PLEKHA7: variants seen among roughly 807,000 people sequenced by gnomAD.
The protein encoded by PLEKHA7 is pleckstrin homology domain containing A7, also known as pleckstrin homology domain-containing family A member 7.
Under a neutral mutation model 170.0 loss-of-function variants are expected in PLEKHA7, and 104 were observed. The observed-to-expected ratio is 0.61, with a 90% CI of 0.52 to 0.72. PLEKHA7 has a LOEUF of 0.72. Ranked by LOEUF, PLEKHA7 falls within the 30% of genes least tolerant of loss-of-function variation. PLEKHA7 has a pLI of 0.00. For synonymous variants in PLEKHA7, 648 were observed against 660.8 expected (o/e 0.98, Z 0.30); for missense variants, 1,615 against 1,671.7 (o/e 0.97, Z 0.59).
chr11:16,835,225 C>G (rs1160190375), intron 9 of PLEKHA7, among the ~76,000 whole-genome samples: 1 of 152,176 alleles, frequency 6.6e-6, no homozygotes, highest in Non-Finnish European at 1.5e-5. Context: ...GAGCCAAGAT[C>G]ATGCCACCGC....
intron 8 of PLEKHA7, among the ~76,000 whole-genome samples, chr11:16,847,100 T>C (rs542266904): frequency 7.2e-5 from 10 of 138,176 alleles, no homozygotes; most frequent in South Asian, 5.1e-4. Context: ...CTTTTTTTTT[T>C]TTTTTTTTTT....
At chr11:16,813,210 A>G (rs1298826749) in intron 12 of PLEKHA7, 44 bp from the exon 13 acceptor site, 10 of 1,538,370 alleles carry the variant, frequency 6.5e-6, no homozygotes, top group Non-Finnish European at 8.1e-6. Flanking sequence ...ATGAACACCA[A>G]GAGTTTCCAT....
Position 16,826,487 on chromosome 11 carries a change from G to A in PLEKHA7, c.976C>T (p.His326Tyr), listed in dbSNP as rs143551077. The A allele has an allele frequency of 3.7e-6, 6 of 1,614,100 alleles. No homozygotes were observed. The highest frequency in any genetic ancestry group is 5.1e-6 in the Non-Finnish European group (6 of 1,180,052). The change falls in exon 10 of 27, where the codon CAT (histidine) becomes TAT (tyrosine). Residue 326 changes from histidine to tyrosine, a missense_variant. Transcript: ENST00000531066. ...VGPGHTRDCP[H>Y]RGHDDIVNFE... is the part of the protein sequence containing the mutation. ...TTGACAATGTCATCATGGCCACGATGAGGACAATCTCTCGTATGTCCGGGT... is the reference window on the plus strand; with the variant it reads ...TTGACAATGTCATCATGGCCACGATAAGGACAATCTCTCGTATGTCCGGGT...
chr11:16,986,281 G>A (rs1358219256), intron 3 of PLEKHA7, among the ~76,000 whole-genome samples: 4 of 152,184 alleles, frequency 2.6e-5, no homozygotes, highest in East Asian at 1.9e-4. Flanking sequence ...CATCTGCACC[G>A]CTGCAGATAT....
intron 3 of PLEKHA7, among the ~76,000 whole-genome samples, chr11:16,988,723 G>T (rs1336445068): frequency 2.6e-5 from 4 of 152,172 alleles, no homozygotes; most frequent in Admixed American, 6.5e-5. Flanking sequence ...TGGGATTATG[G>T]GCATGAGCCA....
intron 3 of PLEKHA7, among the ~76,000 whole-genome samples, chr11:16,909,062 A>G (rs1051131598): frequency 2.0e-5 from 3 of 152,196 alleles, no homozygotes; most frequent in Non-Finnish European, 2.9e-5. Context: ...TACAAAATGG[A>G]GAAAATTACA....
rs182112323 is a variant in PLEKHA7, at chr11:16,924,371, C to T, written c.222-53189G>A. Reference sequence around the variant, plus strand: ...CTGAAAATACACCCGAGGGCACTGGCGGAGCACGCAAGGAGGTTTTCAGGC... The same window carrying T: ...CTGAAAATACACCCGAGGGCACTGGTGGAGCACGCAAGGAGGTTTTCAGGC... On this transcript the variant is annotated intron_variant, in intron 3 of 26. Coordinates refer to ENST00000531066, the MANE Select transcript of PLEKHA7 (RefSeq NM_001329630.2). 2.0e-3 allele frequency among the ~76,000 whole-genome samples: 307 copies of T among 152,282 alleles called. 2 individuals carry two copies. The highest frequency in any genetic ancestry group is 7.0e-3 in the African/African-American group (290 of 41,566).
chr11:16,959,530 T>C (rs1156812634), intron 3 of PLEKHA7, among the ~76,000 whole-genome samples: 2 of 152,282 alleles, frequency 1.3e-5, no homozygotes, highest in East Asian at 3.9e-4. Context: ...ATGAGGGTGA[T>C]GTGTGAGAGG....
intron 12 of PLEKHA7, among the ~76,000 whole-genome samples, chr11:16,815,474 G>GT (rs1849680311): frequency 6.6e-6 from 1 of 152,236 alleles, no homozygotes; most frequent in African/African-American, 2.4e-5. Context: ...GCTTCAGGAA[G>GT]TTTTTTTCAG....
chr11:16,814,247 CAGA>C (rs758925619), intron 12 of PLEKHA7, among the ~76,000 whole-genome samples: 5 of 152,210 alleles, frequency 3.3e-5, no homozygotes, highest in Non-Finnish European at 5.9e-5. Context: ...TAAGACAGAA[CAGA>C]AGAAGGTTAT....
intron 3 of PLEKHA7, among the ~76,000 whole-genome samples, chr11:16,885,013 AC>A: frequency 6.7e-6 from 1 of 148,186 alleles, no homozygotes; most frequent in African/African-American, 2.4e-5. Flanking sequence ...TCCAGAGAAG[AC>A]CTTCTTTTCA....
intron 3 of PLEKHA7, among the ~76,000 whole-genome samples, chr11:16,930,152 T>C (rs576537132): frequency 6.6e-6 from 1 of 152,330 alleles, no homozygotes; most frequent in South Asian, 2.1e-4. Context: ...AGAGGGCTCA[T>C]AGACCAGAGG....
rs113118727 is a variant in PLEKHA7, at chr11:16,790,856, G to C, written c.2994C>G (p.Ala998=). 3.7e-6 allele frequency: 6 copies of C among 1,610,824 alleles called. No homozygotes were observed. In the African/African-American group the frequency reaches 4.0e-5, roughly 11 times the overall value. ...PELATLSGDM[A]QPSLGLVGPE... ...GGCCCACAAGTCCTAGGGAGGGCTG[G>C]GCCATGTCCCCGCTGAGGGTCGCCA... Residue 998 remains alanine (A), a synonymous_variant, in exon 21 of 27, where the codon GCC becomes GCG. Transcript: ENST00000531066.
At chr11:16,790,190 A>AC in intron 21 of PLEKHA7, 1 of 387,754 alleles carries the variant, frequency 2.6e-6, no homozygotes, top group Admixed American at 4.0e-5. Flanking sequence ...AATGCCTTTC[A>AC]CCCCCTGATC....
intron 3 of PLEKHA7, among the ~76,000 whole-genome samples, chr11:16,917,699 A>C (rs911807696): frequency 6.6e-6 from 1 of 152,228 alleles, no homozygotes; most frequent in African/African-American, 2.4e-5. Flanking sequence ...ATCATATCCG[A>C]AAGTCCCTTT....
intron 3 of PLEKHA7, among the ~76,000 whole-genome samples, chr11:16,955,366 C>T (rs937909816): frequency 1.1e-4 from 16 of 152,242 alleles, no homozygotes; most frequent in African/African-American, 3.9e-4. Flanking sequence ...CCCCTGTGTC[C>T]CTAAAGTGTT....
rs549071193 is a variant in PLEKHA7, at chr11:16,884,562, G to A, written c.222-13380C>T. 8.5e-5 allele frequency among the ~76,000 whole-genome samples: 13 copies of A among 152,218 alleles called. No homozygotes were observed. In the South Asian group the frequency reaches 1.5e-3, roughly 17 times the overall value. ...AGCCAGGAGAATTGTTTGAACCCAG[G>A]AGGCGGAGGTTGCAGTGAGCCGAGA... is the stretch of plus-strand genomic sequence containing the variant. On this transcript the variant is annotated intron_variant, in intron 3 of 26. Transcript: ENST00000531066.
chr11:16,970,168 A>C (rs1362413994), intron 3 of PLEKHA7, among the ~76,000 whole-genome samples: 2 of 152,154 alleles, frequency 1.3e-5, no homozygotes, highest in Non-Finnish European at 2.9e-5. Flanking sequence ...TGAATAATAC[A>C]ACAAAACAGA....
intron 9 of PLEKHA7, among the ~76,000 whole-genome samples, chr11:16,827,779 A>G (rs1016478126): frequency 1.3e-5 from 2 of 152,012 alleles, no homozygotes; most frequent in South Asian, 4.2e-4. Flanking sequence ...AGAAAAAATA[A>G]CAAAGACGTT....
Sources: allele counts gnomAD v4.1 joint callset (sites outside exome capture counted in the v4.1 genomes callset), GRCh38; gene constraint gnomAD v4.1.1; transcripts MANE v1.5; gene names NCBI Gene and HGNC (gene_info 2026-07-23, HGNC 2026-07-21).